The following CACNB4 variants were observed in gnomAD, a reference collection of about 807,000 sequenced individuals.
CACNB4 encodes the protein voltage-dependent L-type calcium channel subunit beta-4.
Under a neutral mutation model 71.2 loss-of-function variants are expected in CACNB4, and 32 were observed. That is an observed-to-expected ratio of 0.45 (90% CI 0.34 to 0.60). The LOEUF is 0.60. CACNB4 is among the 20% of genes least tolerant of loss of function. The pLI is 0.01. For synonymous variants in CACNB4, 231 were observed against 236.9 expected (o/e 0.97, Z 0.23); for missense variants, 464 against 647.9 (o/e 0.72, Z 3.08).
intron 2 of CACNB4, among the ~76,000 whole-genome samples, chr2:152,077,071 CAGA>C (rs1205752509): frequency 6.6e-6 from 1 of 152,120 alleles, no homozygotes; most frequent in African/African-American, 2.4e-5. Context: ...AGGAGCATTC[CAGA>C]AGGAGAGCAG....
At chr2:151,900,987 CTTTCTTTTT>C (rs1559961116) in intron 2 of CACNB4, among the ~76,000 whole-genome samples, 24 of 88,716 alleles carry the variant, frequency 2.7e-4, no homozygotes, top group Non-Finnish European at 3.7e-4. Flanking sequence ...TTCTTTCTTT[CTTTCTTTTT>C]TTTTTTTTTT....
intron 2 of CACNB4, among the ~76,000 whole-genome samples, chr2:151,980,119 C>A (rs1300779719): frequency 2.6e-5 from 4 of 151,986 alleles, no homozygotes; most frequent in African/African-American, 9.7e-5. Context: ...TATGTTTTTG[C>A]CTCCCAGGAG....
chr2:151,964,528 TTGAGA>T (rs1199860973), intron 2 of CACNB4, among the ~76,000 whole-genome samples: 1 of 152,190 alleles, frequency 6.6e-6, no homozygotes, highest in African/African-American at 2.4e-5. Flanking sequence ...TTCACTGAAT[TTGAGA>T]TATCAATATT....
At chr2:151,934,324 C>G (rs954993042) in intron 2 of CACNB4, among the ~76,000 whole-genome samples, 1 of 152,196 alleles carries the variant, frequency 6.6e-6, no homozygotes, top group South Asian at 2.1e-4. Context: ...TCAGGGGAGG[C>G]TATGCCTACC....
chr2:152,010,626 T>A (rs1407621009), intron 2 of CACNB4, among the ~76,000 whole-genome samples: 8 of 152,178 alleles, frequency 5.3e-5, no homozygotes, highest in Non-Finnish European at 1.0e-4. Flanking sequence ...ACAAGATGAA[T>A]AAACTTGAGA....
intron 2 of CACNB4, chr2:151,968,188 C>G (rs184998796): frequency 2.8e-4 from 43 of 152,302 alleles, no homozygotes; most frequent in Non-Finnish European, 1.5e-5. Context: ...GCTAGCTTTA[C>G]ACGGCAGTGC....
At chr2:151,969,100 A>G (rs938224481) in intron 2 of CACNB4, 12 of 152,238 alleles carry the variant, frequency 7.9e-5, no homozygotes, top group African/African-American at 2.9e-4. Flanking sequence ...AGCTGAGTAA[A>G]ACAACTTGAT....
intron 2 of CACNB4, among the ~76,000 whole-genome samples, chr2:152,037,270 TTGC>T (rs1284663096): frequency 1.3e-5 from 2 of 152,232 alleles, no homozygotes; most frequent in Non-Finnish European, 2.9e-5. Flanking sequence ...AATAACACAC[TTGC>T]TATACCTAAT....
chr2:152,088,638 T>A (rs1015656250), intron 2 of CACNB4, among the ~76,000 whole-genome samples: 1 of 152,232 alleles, frequency 6.6e-6, no homozygotes, highest in African/African-American at 2.4e-5. Context: ...TAGACACGAT[T>A]TGTCATCCAA....
intron 2 of CACNB4, among the ~76,000 whole-genome samples, chr2:151,934,389 T>C (rs762773183): frequency 2.5e-4 from 38 of 151,958 alleles, no homozygotes; most frequent in Non-Finnish European, 5.0e-4. Context: ...TATGGCAGAG[T>C]GCTTTATTTT....
chr2:151,850,141 C>CTTTTTTTTTTTTTTTTTTTTTTTTTTTT (rs750436136), intron 12 of CACNB4: 8 of 98,160 alleles, frequency 8.1e-5, no homozygotes, highest in African/African-American at 9.7e-5. Context: ...TTCTTTCTTT[C>CTTTTTTTTTTTTTTTTTTTTTTTTTTTT]TTTTTTTTTT....
chr2:152,098,819 G>C lies in CACNB4; in HGVS notation c.63+130C>G, dbSNP rs1688433552. 1 of 970,646 alleles carries C rather than the reference G, an allele frequency of 1.0e-6. No individual in the cohort carries two copies. The highest frequency in any genetic ancestry group is 1.5e-6 in the Non-Finnish European group (1 of 662,408). The allele number at this position is 970,646 out of a possible 1,614,324, so 60.1% of individuals were successfully genotyped here. A position where few individuals can be genotyped will look rare whatever the true frequency, so the allele number is the denominator to read the frequency against. On this transcript the variant is annotated intron_variant, in intron 1 of 13. Coordinates refer to ENST00000539935, the MANE Select transcript of CACNB4 (RefSeq NM_000726.5). The surrounding 1 kb of genome is among the most constrained non-coding windows in gnomAD (Gnocchi z 5.3). Reference sequence around the variant, plus strand: ...AAAGGGACGTGGAGGAGGGGTGGGGGGAGCGGGGCCGCCGACTCCCGGGAC... The same window carrying C: ...AAAGGGACGTGGAGGAGGGGTGGGGCGAGCGGGGCCGCCGACTCCCGGGAC...
intron 2 of CACNB4, among the ~76,000 whole-genome samples, chr2:151,898,706 A>G (rs1030025255): frequency 1.3e-5 from 2 of 152,244 alleles, no homozygotes; most frequent in Non-Finnish European, 2.9e-5. Context: ...AGACAAATTT[A>G]TTAAAAATAG....
rs1007890772 is a variant in CACNB4 at position 151,866,522 on chromosome 2, A to G, written c.758+2655T>C. On this transcript the variant is annotated intron_variant, in intron 9 of 13. Transcript: ENST00000539935. ...TTTGTTTTTTTCTCTCCTTGTATCA[A>G]TTGGTAAAACATAATGCAGCATGAT... 4 of 152,206 alleles carry G rather than the reference A, an allele frequency of 2.6e-5. No individual in the cohort carries two copies. In the East Asian group the frequency reaches 5.8e-4, roughly 22 times the overall value. The allele number at this position is 152,206 out of a possible 1,614,324, so 9.4% of individuals were successfully genotyped here.
intron 2 of CACNB4, among the ~76,000 whole-genome samples, chr2:151,893,462 G>A (rs927554685): frequency 1.3e-5 from 2 of 152,044 alleles, no homozygotes; most frequent in East Asian, 1.9e-4. Context: ...GACTGATCTC[G>A]AACTCCTGAA....
intron 2 of CACNB4, among the ~76,000 whole-genome samples, chr2:152,022,053 A>G (rs1006431073): frequency 1.3e-5 from 2 of 152,218 alleles, no homozygotes; most frequent in South Asian, 4.1e-4. Context: ...GTTCCTTCAC[A>G]GTTGTAGTGA....
chr2:151,901,472 TTAA>T (rs1196434571), intron 2 of CACNB4, among the ~76,000 whole-genome samples: 3 of 152,126 alleles, frequency 2.0e-5, no homozygotes, highest in Non-Finnish European at 4.4e-5. Context: ...ATTAGTAACC[TTAA>T]TATTTTGTGG....
At chr2:151,880,178 CT>C (rs2099847474) in intron 4 of CACNB4, 1 of 152,830 alleles carries the variant, frequency 6.5e-6, no homozygotes, top group Non-Finnish European at 1.5e-5. Flanking sequence ...CTGCACTCAT[CT>C]TTTCCCTGCA....
intron 2 of CACNB4, among the ~76,000 whole-genome samples, chr2:152,055,254 G>A (rs938961481): frequency 2.0e-5 from 3 of 152,066 alleles, no homozygotes; most frequent in Non-Finnish European, 2.9e-5. Context: ...TCAAGTGATC[G>A]GCCTGCCTTG....
Sources: allele counts gnomAD v4.1 joint callset (sites outside exome capture counted in the v4.1 genomes callset), GRCh38; gene constraint gnomAD v4.1.1; non-coding constraint Gnocchi (gnomAD v3.1); transcripts MANE v1.5; gene names NCBI Gene and HGNC (gene_info 2026-07-23, HGNC 2026-07-21).